Variants in PEX26 observed in about 807,000 individuals in gnomAD.
PEX26 encodes peroxisomal biogenesis factor 26.
In PEX26, 18 loss-of-function variants were observed where a neutral mutation model predicts 31.4. That is an observed-to-expected ratio of 0.57 (90% confidence interval 0.40 to 0.85). The LOEUF (loss-of-function observed/expected upper bound fraction) is 0.85. Among genes scored for constraint, PEX26 ranks in the 40% least tolerant of loss-of-function variants. PEX26 has a pLI of 0.00. For missense variants in PEX26, 377 were observed against 383.9 expected (o/e 0.98, Z 0.15); for synonymous variants, 176 against 166.9 (o/e 1.05, Z -0.42).
intron 3 of PEX26, 30 bp from the exon 4 acceptor site, chr22:18,085,082 C>T (rs922090561): frequency 6.2e-7 from 1 of 1,613,250 alleles, no homozygotes; most frequent in Non-Finnish European, 8.5e-7. Context: ...CCATGACATC[C>T]CTGAAGCTGT....
At chr22:18,085,295 AG>A (rs1014058691) in intron 4 of PEX26, 37 bp downstream of exon 4, 1 of 1,611,502 alleles carries the variant, frequency 6.2e-7, no homozygotes, top group African/African-American at 1.3e-5. Context: ...CTTCCTGGGA[AG>A]GGGTTGTTGC....
At position 18,099,238 on chromosome 22, in the gene PEX26, G is replaced by C. The variant is rs1239977598; in HGVS notation, c.*11163G>C. 1 of 152,066 alleles carries C rather than the reference G, an allele frequency of 6.6e-6. No homozygotes were observed. The highest frequency in any genetic ancestry group is 1.9e-4 in the East Asian group (1 of 5,200). The allele number at this position is 152,066 out of a possible 1,614,324, so 9.4% of individuals were successfully genotyped here. On this transcript the variant is annotated 3_prime_UTR_variant, in exon 5 of 5. Transcript: ENST00000399744. ...GGTGCAGATGGGTAGGATTTGGGTG[G>C]GTACTTGAATTAAAAAAATGAATTT...
rs1381929305 is a variant in PEX26, at chr22:18,093,710, A to G, written c.*5635A>G. On this transcript the variant is annotated 3_prime_UTR_variant, in exon 5 of 5. Coordinates refer to ENST00000399744, the MANE Select transcript of PEX26 (RefSeq NM_001127649.3). Reference sequence around the variant, plus strand: ...GGTGTCTGATTGTGTATCTAGCAACATTGCAGTATGAAGAAAAGAGATGCC... The same window carrying G: ...GGTGTCTGATTGTGTATCTAGCAACGTTGCAGTATGAAGAAAAGAGATGCC... 1 of 152,270 alleles carries G rather than the reference A, an allele frequency of 6.6e-6. No homozygotes were observed. The highest frequency in any genetic ancestry group is 1.5e-5 in the Non-Finnish European group (1 of 68,050). 9.4% of individuals were successfully genotyped at this position (152,270 alleles called of 1,614,324 possible).
At position 18,088,486 on chromosome 22, in the gene PEX26, A is replaced by G; in HGVS notation, c.*411A>G. 3.0e-6 allele frequency: 1 copy of G among 330,064 alleles called. No individual in the cohort carries two copies. Among genetic ancestry groups the G allele is most frequent in the Non-Finnish European group, 6.0e-6 (1 of 167,100 alleles). 20.4% of individuals were successfully genotyped at this position (330,064 alleles called of 1,614,324 possible). ...CCCTTGGCCTTTCACTTCTTGAGAA[A>G]CATACTTCTTTGCTGGGCATGGTGA... On this transcript the variant is annotated 3_prime_UTR_variant, in exon 5 of 5. Coordinates refer to ENST00000399744, the MANE Select transcript of PEX26 (RefSeq NM_001127649.3). The surrounding 1 kb of genome is among the most constrained non-coding windows in gnomAD (Gnocchi z 4.1).
At chr22:18,082,550 G>T (rs1334632617) in intron 2 of PEX26, among the ~76,000 whole-genome samples, 1 of 152,072 alleles carries the variant, frequency 6.6e-6, no homozygotes, top group Non-Finnish European at 1.5e-5. Context: ...TCTCTGTTCT[G>T]TTCTATTTTG....
At chr22:18,082,938 T>C (rs560708584) in intron 2 of PEX26, among the ~76,000 whole-genome samples, 4 of 152,348 alleles carry the variant, frequency 2.6e-5, no homozygotes, top group East Asian at 3.9e-4. Context: ...CCTAGGTATC[T>C]TATTTTTTTG....
In PEX26 at chr22:18,102,117, G is replaced by A. The variant is rs1452370848; in HGVS notation, c.*14042G>A. Reference sequence around the variant, plus strand: ...ATGCCAAAGCTGCTGGGACAAAGAGGACTCATGATAGTGGGTTATTCCACA... The same window carrying A: ...ATGCCAAAGCTGCTGGGACAAAGAGAACTCATGATAGTGGGTTATTCCACA... On this transcript the variant is annotated 3_prime_UTR_variant, in exon 5 of 5. Coordinates refer to ENST00000399744, the MANE Select transcript of PEX26 (RefSeq NM_001127649.3). The A allele has an allele frequency of 6.6e-6, 1 of 152,254 alleles. No individual in the cohort carries two copies. The highest frequency in any genetic ancestry group is 1.5e-5 in the Non-Finnish European group (1 of 68,098). 9.4% of individuals were successfully genotyped at this position (152,254 alleles called of 1,614,324 possible).
chr22:18,089,663 C>G lies in PEX26; in HGVS notation c.*1588C>G. The stretch of plus-strand genomic sequence containing the variant: ...TGCTAGCTTTTCCTTGGTACATTTT[C>G]GGGGGTTGCAAGGCAACAAGTTTTC... On this transcript the variant is annotated 3_prime_UTR_variant, in exon 5 of 5. Transcript: ENST00000399744. 6.5e-6 allele frequency: 1 copy of G among 154,050 alleles called. No homozygotes were observed. The allele number at this position is 154,050 out of a possible 1,614,324, so 9.5% of individuals were successfully genotyped here.
At position 18,078,025 on chromosome 22, in the gene PEX26, C is replaced by G. The variant is rs998677674; in HGVS notation, c.-352C>G. ...GGGGCTGGGCGAGCGCAAAGATGTC[C>G]GCGCCCGCTGCCGGGAGGCGAGGTG... On this transcript the variant is annotated 5_prime_UTR_variant, in exon 1 of 5. Coordinates refer to ENST00000399744, the MANE Select transcript of PEX26 (RefSeq NM_001127649.3). 1 of 477,528 alleles carries G rather than the reference C, an allele frequency of 2.1e-6. No individual in the cohort carries two copies. The allele number at this position is 477,528 out of a possible 1,614,324, so 29.6% of individuals were successfully genotyped here. A position where few individuals can be genotyped will look rare whatever the true frequency, so the allele number is the denominator to read the frequency against.
chr22:18,083,145 C>T (rs925744620), intron 2 of PEX26, among the ~76,000 whole-genome samples: 2 of 152,090 alleles, frequency 1.3e-5, no homozygotes, highest in Admixed American at 6.5e-5. Flanking sequence ...TTCTGTTGCC[C>T]GATTGCTCTG....
Position 18,097,530 on chromosome 22 carries a change from T to G in PEX26, c.*9455T>G, listed in dbSNP as rs1034415060. 6.6e-6 allele frequency: 1 copy of G among 152,262 alleles called. No individual in the cohort carries two copies. Among genetic ancestry groups the G allele is most frequent in the Non-Finnish European group, 1.5e-5 (1 of 68,084 alleles). 9.4% of individuals were successfully genotyped at this position (152,262 alleles called of 1,614,324 possible). ...CACTTGCCTCGGTCTCCCAAAGTGC[T>G]GGGATTACAGGCATGAGCCACCGTG... is the stretch of plus-strand genomic sequence containing the variant. On this transcript the variant is annotated 3_prime_UTR_variant, in exon 5 of 5. Coordinates refer to ENST00000399744, the MANE Select transcript of PEX26 (RefSeq NM_001127649.3).
In PEX26 at chr22:18,094,419, A is replaced by T. The variant is rs969499934; in HGVS notation, c.*6344A>T. On this transcript the variant is annotated 3_prime_UTR_variant, in exon 5 of 5. Coordinates refer to ENST00000399744, the MANE Select transcript of PEX26 (RefSeq NM_001127649.3). ...AGTAGAGACTGGGTTTCACCGTGTT[A>T]GCCAGGATGGTCTCGATCTCCTGAC... 5.3e-5 allele frequency: 8 copies of T among 152,344 alleles called. No homozygotes were observed. The highest frequency in any genetic ancestry group is 1.9e-4 in the African/African-American group (8 of 41,428). The allele number at this position is 152,344 out of a possible 1,614,324, so 9.4% of individuals were successfully genotyped here.
rs1927224643 is a variant in PEX26 at position 18,094,339 on chromosome 22, G to C, written c.*6264G>C. The C allele has an allele frequency of 6.6e-6, 1 of 152,238 alleles. No individual in the cohort carries two copies. Among genetic ancestry groups the C allele is most frequent in the Admixed American group, 6.5e-5 (1 of 15,270 alleles). The allele number at this position is 152,238 out of a possible 1,614,324, so 9.4% of individuals were successfully genotyped here. ...CCATTCTCCTGCCTCAGCCTCCCGA[G>C]TGGCTGGGACTATAGGCGCCCGCCA... On this transcript the variant is annotated 3_prime_UTR_variant, in exon 5 of 5. Transcript: ENST00000399744.
chr22:18,079,725 C>T, intron 1 of PEX26, 149 bp from the exon 2 acceptor site: 1 of 906,054 alleles, frequency 1.1e-6, no homozygotes, highest in Non-Finnish European at 1.8e-6. Flanking sequence ...GCCCATGAGA[C>T]CAATTGTGAA....
In PEX26 at chr22:18,083,748, T is replaced by G; in HGVS notation, c.667+16T>G. The G allele has an allele frequency of 6.2e-7, 1 of 1,612,518 alleles. No individual in the cohort carries two copies. Among genetic ancestry groups the G allele is most frequent in the Non-Finnish European group, 8.5e-7 (1 of 1,179,426 alleles). ...AACCTGGAAGGTAGGACATTATCCC[T>G]CTGCGACCTCTGTAAAGTGGACTTG... On this transcript the variant is annotated intron_variant, in intron 3 of 4. Transcript: ENST00000399744.
At chr22:18,087,415 C>G (rs531385598) in intron 4 of PEX26, among the ~76,000 whole-genome samples, 1 of 152,158 alleles carries the variant, frequency 6.6e-6, no homozygotes, top group South Asian at 2.1e-4. Flanking sequence ...GTCCTTCTAA[C>G]CCGTCTGCTG....
At position 18,099,138 on chromosome 22, in the gene PEX26, A is replaced by G. The variant is rs905133614; in HGVS notation, c.*11063A>G. 3 of 152,284 alleles carry G rather than the reference A, an allele frequency of 2.0e-5. No individual in the cohort carries two copies. The highest frequency in any genetic ancestry group is 7.2e-5 in the African/African-American group (3 of 41,478). The allele number at this position is 152,284 out of a possible 1,614,324, so 9.4% of individuals were successfully genotyped here. On this transcript the variant is annotated 3_prime_UTR_variant, in exon 5 of 5. Coordinates refer to ENST00000399744, the MANE Select transcript of PEX26 (RefSeq NM_001127649.3). The stretch of plus-strand genomic sequence containing the variant: ...GGGAATGTTCTGTATGTCTGAAGAC[A>G]AAGTCTGGAGATTGGTGGGCCAGAA...
Position 18,099,047 on chromosome 22 carries a change from T to G in PEX26, c.*10972T>G, listed in dbSNP as rs562673098. 1 of 152,254 alleles carries G rather than the reference T, an allele frequency of 6.6e-6. No homozygotes were observed. Among genetic ancestry groups the G allele is most frequent in the Admixed American group, 6.5e-5 (1 of 15,278 alleles). The allele number at this position is 152,254 out of a possible 1,614,324, so 9.4% of individuals were successfully genotyped here. On this transcript the variant is annotated 3_prime_UTR_variant, in exon 5 of 5. Coordinates refer to ENST00000399744, the MANE Select transcript of PEX26 (RefSeq NM_001127649.3). Reference sequence around the variant, plus strand: ...AAATGACATGCTGTCTGCCTTACCTTTTAGTGATGATTTGTAGGAAGAGGA... The same window carrying G: ...AAATGACATGCTGTCTGCCTTACCTGTTAGTGATGATTTGTAGGAAGAGGA...
chr22:18,078,430 C>T lies in PEX26; in HGVS notation c.54C>T (p.Pro18=), dbSNP rs746066587. 7 of 1,586,110 alleles carry T rather than the reference C, an allele frequency of 4.4e-6. No individual in the cohort carries two copies. Among genetic ancestry groups the T allele is most frequent in the Non-Finnish European group, 6.0e-6 (7 of 1,170,018 alleles). ...CCCCCCTCAGGGGGCTCGGGGGACC[C>T]CTGCGCAGCAGCGAGCCGGTGCGCG... ...SAAPLRGLGG[P]LRSSEPVRAV... Residue 18 remains proline (P), a synonymous_variant, in exon 1 of 5, where the codon CCC becomes CCT. Transcript: ENST00000399744.
Sources: allele counts gnomAD v4.1 joint callset (sites outside exome capture counted in the v4.1 genomes callset), GRCh38; gene constraint gnomAD v4.1.1; non-coding constraint Gnocchi (gnomAD v3.1); transcripts MANE v1.5; gene names NCBI Gene and HGNC (gene_info 2026-07-23, HGNC 2026-07-21).